The following SMIM44 variants were observed in gnomAD, a reference collection of about 807,000 sequenced individuals.
The protein encoded by SMIM44 is small integral membrane protein 44.
At chr19:3,483,342 T>TC in the SMIM44 span, 1 of 398,092 alleles carries the variant, frequency 2.5e-6, no homozygotes, top group Non-Finnish European at 4.4e-6. Flanking sequence ...CCGGTACTCC[T>TC]CGTACAGCGG....
the SMIM44 span, chr19:3,483,312 A>G: frequency 2.5e-6 from 1 of 398,194 alleles, no homozygotes; most frequent in African/African-American, 2.1e-5. Flanking sequence ...GGGCAGGCGG[A>G]TGCTGTCCAG....
At chr19:3,482,739 G>A in the SMIM44 span, 1 of 397,336 alleles carries the variant, frequency 2.5e-6, no homozygotes, top group Non-Finnish European at 4.4e-6. Flanking sequence ...TTTGCAGAAA[G>A]GGCTCCGGCG....
chr19:3,483,368 GCCCTCGGCCTCC>G, the SMIM44 span: 1 of 398,010 alleles, frequency 2.5e-6, no homozygotes, highest in African/African-American at 2.1e-5. Context: ...ACGGGCTCCA[GCCCTCGGCCTCC>G]CCCTCGGCCG....
chr19:3,482,774 G>A, the SMIM44 span: 37 of 396,222 alleles, frequency 9.3e-5, no homozygotes, highest in African/African-American at 6.2e-4. Context: ...CTACACGACC[G>A]CCAAAGCGTC....
chr19:3,483,154 G>A, the SMIM44 span: 4 of 398,424 alleles, frequency 1.0e-5, no homozygotes, highest in South Asian at 5.1e-4. Context: ...CACCCACCCA[G>A]GGTGACCCAG....
the SMIM44 span, among the ~76,000 whole-genome samples, chr19:3,482,552 G>A: frequency 6.6e-6 from 1 of 152,194 alleles, no homozygotes; most frequent in African/African-American, 2.4e-5. Flanking sequence ...GGTAAGGTTG[G>A]CCGATAATAT....
At chr19:3,482,784 C>A in the SMIM44 span, 1 of 397,984 alleles carries the variant, frequency 2.5e-6, no homozygotes, top group Non-Finnish European at 4.4e-6. Context: ...GCCAAAGCGT[C>A]CGGAACCCGG....
chr19:3,483,144 C>T, the SMIM44 span: 1 of 398,448 alleles, frequency 2.5e-6, no homozygotes, highest in African/African-American at 2.1e-5. Flanking sequence ...ATCCCCTGAC[C>T]ACCCACCCAG....
At chr19:3,483,180 G>A in the SMIM44 span, 1 of 398,474 alleles carries the variant, frequency 2.5e-6, no homozygotes, top group Non-Finnish European at 4.4e-6. Flanking sequence ...GCCCCAGCTG[G>A]GTTTCGGTGG....
chr19:3,483,101 T>TAGGAGGGCC, the SMIM44 span: 3 of 398,274 alleles, frequency 7.5e-6, no homozygotes, highest in Non-Finnish European at 1.3e-5. Flanking sequence ...GCCACCCTCC[T>TAGGAGGGCC]CTGTCCCCTC....
the SMIM44 span, chr19:3,482,909 C>T: frequency 5.0e-6 from 2 of 398,110 alleles, no homozygotes; most frequent in Admixed American, 8.8e-5. Context: ...AGGGGGCTCC[C>T]TCCCCACCCC....
the SMIM44 span, chr19:3,483,361 G>A: frequency 5.0e-6 from 2 of 398,158 alleles, no homozygotes; most frequent in Non-Finnish European, 8.9e-6. Flanking sequence ...GGCGGGGACG[G>A]GCTCCAGCCC....
chr19:3,482,707 G>A, the SMIM44 span: 2 of 396,272 alleles, frequency 5.0e-6, no homozygotes, highest in Non-Finnish European at 4.4e-6. Context: ...AAAGCCGTCC[G>A]CTGCGACCGG....
the SMIM44 span, chr19:3,482,669 C>A: frequency 4.3e-5 from 17 of 395,178 alleles, no homozygotes; most frequent in Admixed American, 2.2e-4. Context: ...CAGCGTCCAA[C>A]CCCCGGAACC....
At chr19:3,482,888 C>T in the SMIM44 span, 5 of 232,152 alleles carry the variant, frequency 2.2e-5, no homozygotes, top group African/African-American at 1.3e-4. Context: ...CCGGGGGAGG[C>T]GGGGGTTCAG....
At chr19:3,482,933 C>T in the SMIM44 span, 1 of 398,284 alleles carries the variant, frequency 2.5e-6, no homozygotes, top group Non-Finnish European at 4.4e-6. Flanking sequence ...CGGCGTCCTC[C>T]TCGCCCTGCC....
At chr19:3,482,391 C>A in the SMIM44 span, among the ~76,000 whole-genome samples, 3 of 152,202 alleles carry the variant, frequency 2.0e-5, no homozygotes, top group Non-Finnish European at 4.4e-5. Flanking sequence ...GCACTCTGTG[C>A]TCTGAGACCT....
the SMIM44 span, chr19:3,483,109 C>A: frequency 7.5e-6 from 3 of 398,352 alleles, no homozygotes; most frequent in African/African-American, 6.2e-5. Context: ...CCTCTGTCCC[C>A]TCCTCAGCTA....
At chr19:3,483,056 G>T in the SMIM44 span, 1 of 398,550 alleles carries the variant, frequency 2.5e-6, no homozygotes, top group Non-Finnish European at 4.4e-6. Context: ...CCCAGTCTGC[G>T]GCAAGGGAGC....
Sources: allele counts gnomAD v4.1 joint callset (sites outside exome capture counted in the v4.1 genomes callset), GRCh38; gene constraint gnomAD v4.1.1; transcripts MANE v1.5; gene names NCBI Gene and HGNC (gene_info 2026-07-23, HGNC 2026-07-21).